EFNA2: variants seen among roughly 807,000 people sequenced by gnomAD.
EFNA2 encodes the protein ephrin-A2.
A neutral mutation model predicts 19.7 loss-of-function variants in EFNA2; 18 were observed. The ratio of observed to expected loss-of-function variants is 0.91; its 90% CI spans 0.63 to 1.35. The LOEUF is 1.35. Among genes scored for constraint, EFNA2 ranks in the 40% most tolerant of loss-of-function variants. The pLI is 0.00. For synonymous variants in EFNA2, 187 were observed against 137.8 expected, an observed-to-expected ratio of 1.36 and a Z score of -2.50; for missense variants, 303 against 296.0, an observed-to-expected ratio of 1.02 and a Z score of -0.17.
intron 3 of EFNA2, among the ~76,000 whole-genome samples, chr19:1,298,946 A>G (rs775669205): frequency 1.3e-5 from 2 of 151,566 alleles, no homozygotes; most frequent in Admixed American, 1.3e-4. Context: ...CTCTGTCTCT[A>G]AAAAACAAAG....
At position 1,287,704 on chromosome 19, in the gene EFNA2, C is replaced by T. The variant is rs1370206860; in HGVS notation, c.140+1396C>T. Among the ~76,000 whole-genome samples the T allele has an allele frequency of 6.6e-6, 1 of 152,164 alleles. No homozygotes were observed. The highest frequency in any genetic ancestry group is 6.5e-5 in the Admixed American group (1 of 15,284). ...GGCTGGCCCACCTCAGAGCGGGTCC[C>T]CGAGCCGCCCGCTGTGCTGGTCACA... On this transcript the variant is annotated intron_variant, in intron 1 of 3. Transcript: ENST00000215368. This position sits in a 1 kb window ranked among gnomAD's most constrained non-coding sequence, Gnocchi z 6.2.
rs1481665993 is a variant in EFNA2, at chr19:1,286,449, C to T, written c.140+141C>T. The T allele has an allele frequency of 2.1e-5, 4 of 190,724 alleles. No individual in the cohort carries two copies. The highest frequency in any genetic ancestry group is 1.8e-4 in the South Asian group (1 of 5,594). The allele number at this position is 190,724 out of a possible 1,614,324, so 11.8% of individuals were successfully genotyped here. On this transcript the variant is annotated intron_variant, in intron 1 of 3. Coordinates refer to ENST00000215368, the MANE Select transcript of EFNA2 (RefSeq NM_001405.4). This position sits in a 1 kb window ranked among gnomAD's most constrained non-coding sequence, Gnocchi z 5.6. Reference sequence around the variant, plus strand: ...TGCGGGCGCCCGGTTCCCGCGGGAGCCCCCCAGGGAGCTCCGGCCCCCCGG... The same window carrying T: ...TGCGGGCGCCCGGTTCCCGCGGGAGTCCCCCAGGGAGCTCCGGCCCCCCGG...
At chr19:1,292,147 T>TGGGGGCCCCC (rs1451559530) in intron 1 of EFNA2, among the ~76,000 whole-genome samples, 8 of 152,108 alleles carry the variant, frequency 5.3e-5, no homozygotes, top group African/African-American at 1.9e-4. Flanking sequence ...GGTTTTGGGG[T>TGGGGGCCCCC]GGGGGCCCCC....
chr19:1,284,574 G>C (rs146151728), upstream of EFNA2, among the ~76,000 whole-genome samples: 326 of 152,330 alleles, frequency 2.1e-3, 1 homozygote, highest in Admixed American at 3.6e-3. The surrounding 1 kb of genome is among the most constrained non-coding windows in gnomAD (Gnocchi z 5.3). Flanking sequence ...GGTGTGGCCC[G>C]CGTGGCCCGC....
chr19:1,295,853 A>G lies in EFNA2; in HGVS notation c.449A>G (p.Tyr150Cys). 6.3e-7 allele frequency: 1 copy of G among 1,590,082 alleles called. No homozygotes were observed. Among genetic ancestry groups the G allele is most frequent in the Non-Finnish European group, 8.5e-7 (1 of 1,172,412 alleles). Residue 150 changes from tyrosine (Y) to cysteine (C), a missense_variant, in exon 2 of 4, where the codon TAC (tyrosine) becomes TGC (cysteine). Transcript: ENST00000215368. This position sits in a 1 kb window ranked among gnomAD's most constrained non-coding sequence, Gnocchi z 5.8. ...FEFRPGHEYY[Y>C]ISATPPNAVD... is the part of the protein sequence containing the mutation. ...TTCCGGCCCGGCCACGAGTATTACTACATCTGTGAGTGGGGTCGGGCCGGG... is the reference window on the plus strand; with the variant it reads ...TTCCGGCCCGGCCACGAGTATTACTGCATCTGTGAGTGGGGTCGGGCCGGG...
Position 1,301,285 on chromosome 19 carries a change from T to C in EFNA2, c.*1340T>C, listed in dbSNP as rs1044815020. Among the ~76,000 whole-genome samples the C allele has an allele frequency of 9.2e-5, 4 of 43,570 alleles. No homozygotes were observed. The highest frequency in any genetic ancestry group is 3.6e-4 in the African/African-American group (4 of 11,050). 28.6% of individuals were successfully genotyped at this position (43,570 alleles called of 152,430 possible). ...CGGCGGCTCGAGGCACGCCCGGTGG[T>C]GGGGGGTGGGCAGAGGGCTTTTGTA... On this transcript the variant is annotated 3_prime_UTR_variant, in exon 4 of 4. Coordinates refer to ENST00000215368, the MANE Select transcript of EFNA2 (RefSeq NM_001405.4).
chr19:1,299,700 C>T, intron 3 of EFNA2, 124 bp from the exon 4 acceptor site: 1 of 1,341,348 alleles, frequency 7.5e-7, no homozygotes, highest in South Asian at 1.5e-5. Context: ...CAAGAGGGAG[C>T]AGAGGGCCTG....
Position 1,287,175 on chromosome 19 carries a change from C to T in EFNA2, c.140+867C>T, listed in dbSNP as rs112315406. On this transcript the variant is annotated intron_variant, in intron 1 of 3. Coordinates refer to ENST00000215368, the MANE Select transcript of EFNA2 (RefSeq NM_001405.4). This position sits in a 1 kb window ranked among gnomAD's most constrained non-coding sequence, Gnocchi z 6.2. ...GTTGGTCAGAGCAAAAAAAGTTTGC[C>T]GGGGCCTGGCCATGGCCTGGACGTG... Among the ~76,000 whole-genome samples, 256 of 152,324 alleles carry T rather than the reference C, an allele frequency of 1.7e-3. No individual in the cohort carries two copies. The highest frequency in any genetic ancestry group is 5.8e-3 in the African/African-American group (242 of 41,568).
rs2081464958 is a variant in EFNA2, at chr19:1,286,384, G to A, written c.140+76G>A. 1.3e-6 allele frequency: 1 copy of A among 762,140 alleles called. No homozygotes were observed. Among genetic ancestry groups the A allele is most frequent in the Admixed American group, 6.5e-5 (1 of 15,434 alleles). The allele number at this position is 762,140 out of a possible 1,614,324, so 47.2% of individuals were successfully genotyped here. On this transcript the variant is annotated intron_variant, in intron 1 of 3. Coordinates refer to ENST00000215368, the MANE Select transcript of EFNA2 (RefSeq NM_001405.4). The surrounding 1 kb of genome is among the most constrained non-coding windows in gnomAD (Gnocchi z 5.6). ...AAGCCGCGCCCGGCCTCGCGCCCCC[G>A]GAGCTCCGGGCGCCCCCCACGCGCG...
At chr19:1,293,186 G>A (rs530680252) in intron 1 of EFNA2, among the ~76,000 whole-genome samples, 40 of 152,358 alleles carry the variant, frequency 2.6e-4, no homozygotes, top group African/African-American at 9.1e-4. Flanking sequence ...GGTGACCTGG[G>A]TGTGGGCAGT....
In EFNA2 at chr19:1,291,211, G is replaced by A. The variant is rs184126550; in HGVS notation, c.141-4334G>A. On this transcript the variant is annotated intron_variant, in intron 1 of 3. Transcript: ENST00000215368. ...TGCACTCTGTACCAGGGCCACCCAC[G>A]CCCACGGTGACGGAAGCCCAGGTGG... is the stretch of plus-strand genomic sequence containing the variant. 6.8e-3 allele frequency among the ~76,000 whole-genome samples: 1,043 copies of A among 152,292 alleles called. 14 individuals are homozygous for A. The highest frequency in any genetic ancestry group is 0.024 in the African/African-American group (1,001 of 41,558).
rs550050590 is a variant in EFNA2, at chr19:1,297,801, G to A, written c.455-750G>A. On this transcript the variant is annotated intron_variant, in intron 2 of 3. Transcript: ENST00000215368. This position sits in a 1 kb window ranked among gnomAD's most constrained non-coding sequence, Gnocchi z 5.0. ...TAATCTTTCCCAGCCAGGCGTGGCG[G>A]TGGCTCACGCCTGTAATCCCAGCAC... 6.6e-6 allele frequency among the ~76,000 whole-genome samples: 1 copy of A among 152,272 alleles called. No individual in the cohort carries two copies. Among genetic ancestry groups the A allele is most frequent in the South Asian group, 2.1e-4 (1 of 4,826 alleles).
chr19:1,285,248 C>T (rs202012654), upstream of EFNA2, among the ~76,000 whole-genome samples: 28 of 152,316 alleles, frequency 1.8e-4, no homozygotes, highest in East Asian at 4.8e-3. The surrounding 1 kb of genome is among the most constrained non-coding windows in gnomAD (Gnocchi z 4.1). Flanking sequence ...AGGATTCGTG[C>T]GTGGAGACTG....
intron 3 of EFNA2, 149 bp from the exon 4 acceptor site, chr19:1,299,675 C>A: frequency 9.7e-7 from 1 of 1,026,608 alleles, no homozygotes; most frequent in Non-Finnish European, 1.3e-6. Context: ...GGAGAGTGGG[C>A]ATCGGGGATG....
chr19:1,284,407 G>A (rs931133993), upstream of EFNA2, among the ~76,000 whole-genome samples: 3 of 152,254 alleles, frequency 2.0e-5, no homozygotes, highest in African/African-American at 4.8e-5. The surrounding 1 kb of genome is among the most constrained non-coding windows in gnomAD (Gnocchi z 5.3). Flanking sequence ...CAGAACAGAC[G>A]GGCTGAGCTC....
At chr19:1,289,499 G>A (rs1029663597) in intron 1 of EFNA2, among the ~76,000 whole-genome samples, 1 of 152,178 alleles carries the variant, frequency 6.6e-6, no homozygotes, top group Non-Finnish European at 1.5e-5. Context: ...CTCCCCTGGG[G>A]ACGGGACCAG....
rs1056775221 is a variant in EFNA2 at position 1,294,508 on chromosome 19, C to A, written c.141-1037C>A. On this transcript the variant is annotated intron_variant, in intron 1 of 3. Transcript: ENST00000215368. The surrounding 1 kb of genome is among the most constrained non-coding windows in gnomAD (Gnocchi z 5.8). Reference sequence around the variant, plus strand: ...GCACCCAAGAGGGAGACCAGGAGGCCGCCGGATTCCGGGGCTCGGGGCTCG... The same window carrying A: ...GCACCCAAGAGGGAGACCAGGAGGCAGCCGGATTCCGGGGCTCGGGGCTCG... Among the ~76,000 whole-genome samples the A allele has an allele frequency of 6.6e-6, 1 of 151,898 alleles. No homozygotes were observed. The highest frequency in any genetic ancestry group is 1.5e-5 in the Non-Finnish European group (1 of 67,956).
In EFNA2 at chr19:1,300,038, G is replaced by C; in HGVS notation, c.*93G>C. On this transcript the variant is annotated 3_prime_UTR_variant, in exon 4 of 4. Transcript: ENST00000215368. ...GGACCCGGCTGCGGCCCCCGCCTCCGAGACCAAATAGAGACGCTGCTTCTC... is the reference window on the plus strand; with the variant it reads ...GGACCCGGCTGCGGCCCCCGCCTCCCAGACCAAATAGAGACGCTGCTTCTC... 6.9e-7 allele frequency: 1 copy of C among 1,448,696 alleles called. No homozygotes were observed. The highest frequency in any genetic ancestry group is 9.1e-7 in the Non-Finnish European group (1 of 1,099,290). 89.7% of individuals were successfully genotyped at this position (1,448,696 alleles called of 1,614,324 possible). A position where few individuals can be genotyped will look rare whatever the true frequency, so the allele number is the denominator to read the frequency against.
Position 1,287,403 on chromosome 19 carries a change from T to C in EFNA2, c.140+1095T>C, listed in dbSNP as rs1269938489. ...CGGCCCCCCCCCACTCTTCTGCTAC[T>C]GGTCACTTTCTCTCCGTTTTCCAGC... On this transcript the variant is annotated intron_variant, in intron 1 of 3. Coordinates refer to ENST00000215368, the MANE Select transcript of EFNA2 (RefSeq NM_001405.4). This position sits in a 1 kb window ranked among gnomAD's most constrained non-coding sequence, Gnocchi z 6.2. 6.6e-6 allele frequency among the ~76,000 whole-genome samples: 1 copy of C among 152,074 alleles called. No individual in the cohort carries two copies. The highest frequency in any genetic ancestry group is 2.4e-5 in the African/African-American group (1 of 41,396).
Sources: gnomAD v4.1 joint callset for allele counts (sites outside exome capture counted in the v4.1 genomes callset) on GRCh38, gnomAD v4.1.1 for gene constraint, Gnocchi (gnomAD v3.1) non-coding constraint, MANE v1.5 for transcripts, NCBI Gene and HGNC (gene_info 2026-07-23, HGNC 2026-07-21) for gene names.